Variants in ADAM12 observed in about 807,000 individuals in gnomAD.
ADAM12 encodes the protein ADAM metallopeptidase domain 12.
ADAM12 carries 70 observed loss-of-function variants against 106.4 expected under a neutral mutation model. The ratio of observed to expected loss-of-function variants is 0.66; its 90% CI spans 0.54 to 0.80. The LOEUF (loss-of-function observed/expected upper bound fraction) is 0.80, where lower values mean the gene tolerates loss of function less well. Among genes scored for constraint, ADAM12 ranks in the 30% least tolerant of loss-of-function variants. The pLI is 0.00. For missense variants in ADAM12, 1,010 were observed against 1,171.9 expected, an observed-to-expected ratio of 0.86 and a Z score of 2.02; for synonymous variants, 420 against 433.5, an observed-to-expected ratio of 0.97 and a Z score of 0.39.
chr10:126,075,794 T>G (rs1443244156), intron 11 of ADAM12, among the ~76,000 whole-genome samples: 2 of 152,198 alleles, frequency 1.3e-5, no homozygotes, highest in Non-Finnish European at 2.9e-5. Context: ...GCAACCCATT[T>G]TCTACTTGGC....
intron 3 of ADAM12, among the ~76,000 whole-genome samples, chr10:126,175,069 A>G (rs1957195704): frequency 6.6e-6 from 1 of 151,984 alleles, no homozygotes; most frequent in Admixed American, 6.6e-5. Context: ...CATTTTTATT[A>G]AAACAATTTT....
At chr10:126,274,607 C>T (rs891264010) in intron 3 of ADAM12, among the ~76,000 whole-genome samples, 1 of 152,196 alleles carries the variant, frequency 6.6e-6, no homozygotes. Context: ...ATTATTCCCC[C>T]TAGCTCTGCA....
At chr10:126,051,584 T>TCCAG (rs1225316037) in intron 14 of ADAM12, among the ~76,000 whole-genome samples, 2,323 of 122,086 alleles carry the variant, frequency 0.019, 60 homozygotes, top group African/African-American at 0.062. Context: ...CATCCATCCA[T>TCCAG]CCATCCAGCC....
intron 4 of ADAM12, among the ~76,000 whole-genome samples, chr10:126,148,886 T>C (rs915170572): frequency 2.0e-5 from 3 of 152,026 alleles, no homozygotes; most frequent in African/African-American, 7.2e-5. Flanking sequence ...TCAGGACCCA[T>C]TGTGGGGAAG....
At chr10:126,228,250 A>G (rs1425440556) in intron 3 of ADAM12, among the ~76,000 whole-genome samples, 1 of 152,208 alleles carries the variant, frequency 6.6e-6, no homozygotes, top group Non-Finnish European at 1.5e-5. Flanking sequence ...AACGATTGGT[A>G]TTAACAAAGG....
At chr10:126,159,852 T>C (rs1276139689) in intron 3 of ADAM12, among the ~76,000 whole-genome samples, 2 of 152,208 alleles carry the variant, frequency 1.3e-5, no homozygotes, top group African/African-American at 2.4e-5. Context: ...CCAAGTGTCA[T>C]TGGAGCTAAG....
At chr10:126,232,589 T>C (rs1958333680) in intron 3 of ADAM12, among the ~76,000 whole-genome samples, 1 of 152,322 alleles carries the variant, frequency 6.6e-6, no homozygotes, top group East Asian at 1.9e-4. Flanking sequence ...ATCTGCTCTC[T>C]CTTTGTTCTC....
chr10:126,175,117 C>A (rs1957196481), intron 3 of ADAM12, among the ~76,000 whole-genome samples: 1 of 152,172 alleles, frequency 6.6e-6, no homozygotes. Flanking sequence ...ACCTTCAGAG[C>A]CAGAATCCTG....
chr10:126,265,623 A>G (rs1565178143), intron 3 of ADAM12, among the ~76,000 whole-genome samples: 1 of 152,196 alleles, frequency 6.6e-6, no homozygotes, highest in African/African-American at 2.4e-5. Context: ...TGTACACTGA[A>G]TTACCTACCA....
At chr10:126,062,117 C>T (rs921648079) in intron 14 of ADAM12, among the ~76,000 whole-genome samples, 1 of 152,170 alleles carries the variant, frequency 6.6e-6, no homozygotes, top group African/African-American at 2.4e-5. Context: ...GCAGGACAGA[C>T]CAAAACCCAG....
Position 126,036,275 on chromosome 10 carries a change from G to A in ADAM12, c.2400C>T (p.Pro800=), listed in dbSNP as rs1954058610. Residue 800 remains proline (P), a synonymous_variant, in exon 21 of 23, where the codon CCC becomes CCT. Transcript: ENST00000448723. ...GCTGAGGGACATTCAGGCCGTTGAG[G>A]GGTCTGCTGATGTCAACATTCTGAC... ...LQCQNVDISR[P]LNGLNVPQPQ... The A allele has an allele frequency of 3.2e-6, 5 of 1,561,630 alleles. No individual in the cohort carries two copies. Among genetic ancestry groups the A allele is most frequent in the East Asian group, 2.4e-5 (1 of 40,898 alleles).
intron 21 of ADAM12, among the ~76,000 whole-genome samples, chr10:126,025,779 G>A (rs183046213): frequency 2.9e-4 from 44 of 152,250 alleles, no homozygotes; most frequent in Admixed American, 1.1e-3. Flanking sequence ...TGGCAAGACA[G>A]GCCAACATTC....
At chr10:126,031,977 T>G (rs1228791119) in intron 21 of ADAM12, among the ~76,000 whole-genome samples, 1 of 152,202 alleles carries the variant, frequency 6.6e-6, no homozygotes, top group Non-Finnish European at 1.5e-5. Flanking sequence ...CCTTTTACCA[T>G]GAAGGAAGTG....
intron 1 of ADAM12, among the ~76,000 whole-genome samples, chr10:126,382,179 C>G (rs1008096473): frequency 3.3e-5 from 5 of 151,830 alleles, no homozygotes; most frequent in African/African-American, 1.2e-4. Flanking sequence ...GGCACTGGAA[C>G]AGGGGGCACT....
chr10:126,036,438 A>G (rs1954062274), intron 20 of ADAM12, 113 bp from the exon 21 acceptor site: 1 of 1,025,100 alleles, frequency 9.8e-7, no homozygotes. Flanking sequence ...AAGGTGGGGT[A>G]AAGGAAAGAA....
intron 21 of ADAM12, among the ~76,000 whole-genome samples, chr10:126,021,432 A>C (rs905841304): frequency 2.0e-5 from 3 of 152,224 alleles, no homozygotes; most frequent in African/African-American, 7.2e-5. Flanking sequence ...ATCTTTGTAA[A>C]GCAAAGGAAG....
intron 3 of ADAM12, among the ~76,000 whole-genome samples, chr10:126,215,506 G>A (rs1270271531): frequency 6.6e-6 from 1 of 152,142 alleles, no homozygotes; most frequent in East Asian, 1.9e-4. Flanking sequence ...AAGGGCTTAG[G>A]TTCTGTGTGG....
At position 126,087,050 on chromosome 10, in the gene ADAM12, T is replaced by C. The variant is rs564743089; in HGVS notation, c.1145+6935A>G. ...TCAGCTCAAAAAAATTAAATTAAAT[T>C]TAAAAAGTTCATCGATGAAACAGGA... On this transcript the variant is annotated intron_variant, in intron 11 of 22. Coordinates refer to ENST00000448723, the MANE Select transcript of ADAM12 (RefSeq NM_001288973.2). Among the ~76,000 whole-genome samples the C allele has an allele frequency of 8.6e-5, 13 of 151,716 alleles. No individual in the cohort carries two copies. In the East Asian group the frequency reaches 2.5e-3, roughly 30 times the overall value.
At position 126,117,109 on chromosome 10, in the gene ADAM12, A is replaced by C. The variant is rs925417580; in HGVS notation, c.603+929T>G. On this transcript the variant is annotated intron_variant, in intron 6 of 22. Coordinates refer to ENST00000448723, the MANE Select transcript of ADAM12 (RefSeq NM_001288973.2). ...GAAATCCAGAAATGGAAAATCAGGA[A>C]ATTGTTGATAATTTCCTATCTGTTT... is the stretch of plus-strand genomic sequence containing the variant. Among the ~76,000 whole-genome samples, 11 of 152,344 alleles carry C rather than the reference A, an allele frequency of 7.2e-5. No homozygotes were observed. In the South Asian group the frequency reaches 1.9e-3, roughly 26 times the overall value.
Sources: allele counts gnomAD v4.1 joint callset (sites outside exome capture counted in the v4.1 genomes callset), GRCh38; gene constraint gnomAD v4.1.1; transcripts MANE v1.5; gene names NCBI Gene and HGNC (gene_info 2026-07-23, HGNC 2026-07-21).